The following ADGRV1 variants were observed in gnomAD, a reference collection of about 807,000 sequenced individuals.
The protein encoded by ADGRV1 is G-protein coupled receptor 98.
A neutral mutation model predicts 596.2 loss-of-function variants in ADGRV1; 359 were observed. That is an observed-to-expected ratio of 0.60 (90% CI 0.55 to 0.66). The LOEUF (loss-of-function observed/expected upper bound fraction) is 0.66. ADGRV1 is among the 30% of genes least tolerant of loss of function. ADGRV1 has a pLI of 0.00. For missense variants in ADGRV1, 7,274 were observed against 7,575.6 expected, an observed-to-expected ratio of 0.96 and a Z score of 1.48; for synonymous variants, 2,681 against 2,679.2, an observed-to-expected ratio of 1.00 and a Z score of -0.02.
intron 67 of ADGRV1, among the ~76,000 whole-genome samples, chr5:90,785,321 A>T (rs1413229127): frequency 7.2e-5 from 11 of 152,214 alleles, no homozygotes; most frequent in African/African-American, 2.7e-4. Flanking sequence ...AACCTAGGCA[A>T]TACCATTCAG....
At chr5:90,687,315 G>T (rs1190202803) in intron 29 of ADGRV1, among the ~76,000 whole-genome samples, 2 of 152,130 alleles carry the variant, frequency 1.3e-5, no homozygotes, top group African/African-American at 4.8e-5. Flanking sequence ...GTAATGCCTA[G>T]GCTTTCTTCT....
rs1157559008 is a variant in ADGRV1, at chr5:90,778,856, T to C, written c.12850-9T>C. The C allele has an allele frequency of 1.3e-6, 2 of 1,596,460 alleles. No homozygotes were observed. The highest frequency in any genetic ancestry group is 2.2e-5 in the South Asian group (2 of 89,250). Reference sequence around the variant, plus strand: ...ATCCAAATCAAATAAGAAAATGCATTTTGCATAGGTTAACATCACAATCAT... The same window carrying C: ...ATCCAAATCAAATAAGAAAATGCATCTTGCATAGGTTAACATCACAATCAT... On this transcript the variant is annotated splice_polypyrimidine_tract_variant and intron_variant, in intron 63 of 89. Transcript: ENST00000405460.
intron 85 of ADGRV1, among the ~76,000 whole-genome samples, chr5:90,997,640 G>T (rs550787894): frequency 6.6e-6 from 1 of 152,208 alleles, no homozygotes; most frequent in African/African-American, 2.4e-5. Context: ...CAAACTCATT[G>T]TACTAAATAT....
intron 53 of ADGRV1, among the ~76,000 whole-genome samples, chr5:90,751,490 C>G (rs72782772): frequency 6.6e-6 from 1 of 151,934 alleles, no homozygotes; most frequent in East Asian, 1.9e-4. Flanking sequence ...TCTGGGCAGA[C>G]GACGAGATTA....
At chr5:90,598,220 C>G (rs140128788) in intron 1 of ADGRV1, among the ~76,000 whole-genome samples, 148 of 152,264 alleles carry the variant, frequency 9.7e-4, no homozygotes, top group African/African-American at 3.5e-3. Flanking sequence ...TTATGCCTGG[C>G]AGATAGTAGA....
intron 11 of ADGRV1, 79 bp downstream of exon 11, chr5:90,638,027 T>C: frequency 1.0e-6 from 1 of 999,186 alleles, no homozygotes; most frequent in Non-Finnish European, 1.5e-6. Context: ...TTTTTACTCT[T>C]TTTTTTCTAT....
In ADGRV1 at chr5:90,721,055, C is replaced by T. The variant is rs752594014; in HGVS notation, c.9744C>T (p.Gly3248=). ...QWETVSETAF[G]MRGMDVVFSV... ...AGACAGTATCTGAAACAGCCTTTGG[C>T]ATGAGTATGTTTCATTTCTTATGAG... Residue 3248 remains glycine, a synonymous_variant, in exon 45 of 90, where the codon GGC becomes GGT. Coordinates refer to ENST00000405460, the MANE Select transcript of ADGRV1 (RefSeq NM_032119.4). 8 of 1,609,922 alleles carry T rather than the reference C, an allele frequency of 5.0e-6. No homozygotes were observed. In the East Asian group the frequency reaches 1.8e-4, roughly 36 times the overall value.
intron 45 of ADGRV1, among the ~76,000 whole-genome samples, chr5:90,721,536 T>A (rs1224165628): frequency 7.9e-5 from 1 of 12,622 alleles, no homozygotes; most frequent in Non-Finnish European, 1.1e-4. Context: ...AAAATAAAAA[T>A]AAAATAAAAT....
intron 83 of ADGRV1, among the ~76,000 whole-genome samples, chr5:90,957,798 G>C (rs867710638): frequency 6.6e-6 from 1 of 151,382 alleles, no homozygotes; most frequent in Non-Finnish European, 1.5e-5. Context: ...GAGATCAGGA[G>C]AGAAAATAGT....
chr5:90,794,626 A>C (rs1760465056), intron 70 of ADGRV1, among the ~76,000 whole-genome samples: 1 of 152,168 alleles, frequency 6.6e-6, no homozygotes, highest in South Asian at 2.1e-4. Flanking sequence ...CAGGGTGTTA[A>C]GGTACCATAA....
intron 83 of ADGRV1, among the ~76,000 whole-genome samples, chr5:90,874,301 A>C (rs1211826652): frequency 6.6e-6 from 1 of 152,170 alleles, no homozygotes; most frequent in South Asian, 2.1e-4. Context: ...ATTTCCATTT[A>C]TACAGCATTG....
chr5:90,635,231 G>T lies in ADGRV1; in HGVS notation c.1957G>T (p.Gly653Cys), dbSNP rs564491240. The part of the protein sequence containing the change: ...VTPAIANGEI[G>C]FLSNLPIILH... Reference sequence around the variant, plus strand: ...TCCAGCCATTGCAAATGGAGAAATTGGCTTTCTCAGCAATCTTCCAATTAT... The same window carrying T: ...TCCAGCCATTGCAAATGGAGAAATTTGCTTTCTCAGCAATCTTCCAATTAT... Residue 653 changes from glycine to cysteine, a missense_variant, in exon 10 of 90, where the codon GGC (glycine) becomes TGC (cysteine). Physicochemically the swap from Gly to Cys is radical, Grantham distance 159. Around this residue, in one of 5 missense-constraint regions of ADGRV1, gnomAD observed 1,715 missense variants for 1,708.8 expected, o/e 1.00. Transcript: ENST00000405460. 6.2e-7 allele frequency: 1 copy of T among 1,612,962 alleles called. No homozygotes were observed. Among genetic ancestry groups the T allele is most frequent in the Admixed American group, 1.7e-5 (1 of 59,848 alleles).
intron 85 of ADGRV1, among the ~76,000 whole-genome samples, chr5:91,033,552 C>T (rs145030273): frequency 2.6e-5 from 4 of 152,302 alleles, no homozygotes; most frequent in African/African-American, 9.6e-5. Flanking sequence ...ATGATTTTGG[C>T]AGCCATTCAT....
At position 90,672,822 on chromosome 5, in the gene ADGRV1, T is replaced by G. The variant is rs928083360; in HGVS notation, c.4929+100T>G. On this transcript the variant is annotated intron_variant, in intron 22 of 89. Coordinates refer to ENST00000405460, the MANE Select transcript of ADGRV1 (RefSeq NM_032119.4). ...TTGCAGCTTTTGATTGAAGTGTCGC[T>G]TCCCATTATTATTTACAACTGTAAC... 2.1e-5 allele frequency: 18 copies of G among 843,656 alleles called. No individual in the cohort carries two copies. The Admixed American group carries it at 4.3e-4, about 20-fold the overall frequency. 52.3% of individuals were successfully genotyped at this position (843,656 alleles called of 1,614,324 possible). A position where few individuals can be genotyped will look rare whatever the true frequency, so the allele number is the denominator to read the frequency against.
At chr5:90,969,035 C>A (rs1026320835) in intron 84 of ADGRV1, among the ~76,000 whole-genome samples, 1 of 151,728 alleles carries the variant, frequency 6.6e-6, no homozygotes, top group African/African-American at 2.4e-5. Flanking sequence ...ACTTTTATAT[C>A]CTATACTTTT....
intron 1 of ADGRV1, among the ~76,000 whole-genome samples, chr5:90,592,499 T>C (rs1759644466): frequency 6.6e-6 from 1 of 152,240 alleles, no homozygotes; most frequent in African/African-American, 2.4e-5. Flanking sequence ...TTGGGTTTAA[T>C]TAGATCCCAT....
intron 69 of ADGRV1, among the ~76,000 whole-genome samples, chr5:90,790,304 A>G (rs1414200454): frequency 6.6e-6 from 1 of 152,192 alleles, no homozygotes; most frequent in Non-Finnish European, 1.5e-5. Context: ...ATGATATTTG[A>G]TTAACAGATC....
chr5:91,141,462 T>C (rs1274288041), intron 87 of ADGRV1, among the ~76,000 whole-genome samples: 3 of 152,224 alleles, frequency 2.0e-5, no homozygotes, highest in Non-Finnish European at 4.4e-5. Context: ...AACTCACTTG[T>C]TTCCTTTTTC....
chr5:90,938,930 A>G (rs1252163618), intron 83 of ADGRV1, among the ~76,000 whole-genome samples: 1 of 152,216 alleles, frequency 6.6e-6, no homozygotes, highest in African/African-American at 2.4e-5. Flanking sequence ...ACCTGCCACA[A>G]GAAATCCTAA....
Sources: allele counts gnomAD v4.1 joint callset (sites outside exome capture counted in the v4.1 genomes callset), GRCh38; gene constraint gnomAD v4.1.1; regional missense constraint gnomAD v4.1.1; transcripts MANE v1.5; gene names NCBI Gene and HGNC (gene_info 2026-07-23, HGNC 2026-07-21).